LRRC4C: variants seen among roughly 807,000 people sequenced by gnomAD.
LRRC4C encodes the protein leucine-rich repeat-containing protein 4C.
A neutral mutation model predicts 33.6 loss-of-function variants in LRRC4C; 5 were observed. That is an observed-to-expected ratio of 0.15 (90% confidence interval 0.08 to 0.31). The LOEUF is 0.31. LRRC4C is among the 10% of genes least tolerant of loss of function. LRRC4C has a pLI of 1.00. For synonymous variants in LRRC4C, 329 were observed against 302.0 expected, an observed-to-expected ratio of 1.09 and a Z score of -0.93; for missense variants, 560 against 796.7, an observed-to-expected ratio of 0.70 and a Z score of 3.58.
At chr11:40,394,200 A>G (rs1489212524) in intron 3 of LRRC4C, among the ~76,000 whole-genome samples, 1 of 152,156 alleles carries the variant, frequency 6.6e-6, no homozygotes, top group Non-Finnish European at 1.5e-5. Context: ...TTTTGAGGAC[A>G]TAAAGACCTT....
intron 3 of LRRC4C, among the ~76,000 whole-genome samples, chr11:40,635,148 C>T (rs1042336164): frequency 6.6e-6 from 1 of 152,154 alleles, no homozygotes; most frequent in African/African-American, 2.4e-5. Flanking sequence ...GCTGCAATAA[C>T]TTTAACAGCC....
chr11:40,266,082 G>C (rs756497300), intron 4 of LRRC4C, among the ~76,000 whole-genome samples: 6 of 152,082 alleles, frequency 3.9e-5, no homozygotes, highest in Non-Finnish European at 8.8e-5. Context: ...CAGATCTCTT[G>C]AGCTCAGGAG....
chr11:41,290,773 A>G (rs1435143125), intron 1 of LRRC4C, among the ~76,000 whole-genome samples: 2 of 152,172 alleles, frequency 1.3e-5, no homozygotes, highest in Non-Finnish European at 2.9e-5. Flanking sequence ...AAATGACCAT[A>G]GACCTAGGTT....
chr11:40,860,789 T>A (rs1954053923), intron 2 of LRRC4C, among the ~76,000 whole-genome samples: 1 of 4,690 alleles, frequency 2.1e-4, no homozygotes, highest in African/African-American at 3.4e-4. Flanking sequence ...TTTTTTTTTT[T>A]TTTTTTTTTT....
intron 1 of LRRC4C, among the ~76,000 whole-genome samples, chr11:41,100,771 A>C (rs1941124177): frequency 6.6e-6 from 1 of 152,134 alleles, no homozygotes; most frequent in African/African-American, 2.4e-5. Context: ...TGGAGGTGTC[A>C]TGCTATCCAA....
chr11:40,624,684 C>A (rs1392719941), intron 3 of LRRC4C, among the ~76,000 whole-genome samples: 1 of 152,114 alleles, frequency 6.6e-6, no homozygotes, highest in Non-Finnish European at 1.5e-5. Context: ...GGTTGTCTTA[C>A]AACAAGTTAT....
chr11:41,103,497 T>C (rs893771852), intron 1 of LRRC4C, among the ~76,000 whole-genome samples: 4 of 151,920 alleles, frequency 2.6e-5, no homozygotes, highest in Non-Finnish European at 1.5e-5. Flanking sequence ...TATTACATCT[T>C]CAACAAACAT....
intron 5 of LRRC4C, among the ~76,000 whole-genome samples, chr11:40,228,746 T>C (rs532732393): frequency 1.1e-3 from 169 of 152,352 alleles, no homozygotes; most frequent in Non-Finnish European, 1.7e-3. Flanking sequence ...AGCTTTTCGT[T>C]TGGTCCAGTT....
At chr11:40,674,176 T>C (rs1944273091) in intron 2 of LRRC4C, among the ~76,000 whole-genome samples, 1 of 152,180 alleles carries the variant, frequency 6.6e-6, no homozygotes, top group African/African-American at 2.4e-5. Context: ...AAAATTGGCT[T>C]TGCCTATAGG....
At chr11:41,202,907 T>C (rs1226646100) in intron 1 of LRRC4C, among the ~76,000 whole-genome samples, 1 of 151,710 alleles carries the variant, frequency 6.6e-6, no homozygotes, top group Non-Finnish European at 1.5e-5. Context: ...TGCCTCAACC[T>C]CCTGAGTAGC....
At chr11:41,344,170 A>G (rs1285805265) in intron 1 of LRRC4C, among the ~76,000 whole-genome samples, 3 of 151,420 alleles carry the variant, frequency 2.0e-5, no homozygotes, top group African/African-American at 7.3e-5. Context: ...TTCCGCTTCC[A>G]GAGCCCAGTG....
At chr11:41,410,409 T>G (rs948407350) in intron 1 of LRRC4C, among the ~76,000 whole-genome samples, 2 of 151,266 alleles carry the variant, frequency 1.3e-5, no homozygotes, top group African/African-American at 4.9e-5. Flanking sequence ...AAAGTTTTTT[T>G]TTTTTTCTTT....
At chr11:41,304,125 G>A (rs1182752390) in intron 1 of LRRC4C, among the ~76,000 whole-genome samples, 3 of 85,446 alleles carry the variant, frequency 3.5e-5, no homozygotes, top group African/African-American at 9.2e-5. Flanking sequence ...CTACTGGGAA[G>A]TGAGGAGCCC....
chr11:40,173,715 A>AG (rs1345197303), intron 5 of LRRC4C, among the ~76,000 whole-genome samples: 1 of 152,100 alleles, frequency 6.6e-6, no homozygotes, highest in Non-Finnish European at 1.5e-5. Flanking sequence ...CCTAGGAAGA[A>AG]GGGGGAAGCA....
chr11:40,773,146 C>G lies in LRRC4C; in HGVS notation c.-406-124868G>C, dbSNP rs935114974. On this transcript the variant is annotated intron_variant, in intron 2 of 6. Transcript: ENST00000528697. ...CTCTAATTTGTGAGAGCTAAAAATT[C>G]AAACAATTAAACTCATGGAGATAAG... Among the ~76,000 whole-genome samples, 3 of 152,014 alleles carry G rather than the reference C, an allele frequency of 2.0e-5. No individual in the cohort carries two copies. The East Asian group carries it at 5.8e-4, about 29-fold the overall frequency.
At chr11:41,238,025 C>T (rs1373876611) in intron 1 of LRRC4C, among the ~76,000 whole-genome samples, 1 of 151,962 alleles carries the variant, frequency 6.6e-6, no homozygotes, top group Non-Finnish European at 1.5e-5. Flanking sequence ...CCACTCATAG[C>T]TTAGCTCAAC....
At chr11:40,644,926 C>G (rs1384489773) in intron 3 of LRRC4C, among the ~76,000 whole-genome samples, 1 of 149,850 alleles carries the variant, frequency 6.7e-6, no homozygotes. Flanking sequence ...AAAGGGGGAA[C>G]AGGCACTCGG....
At position 40,717,905 on chromosome 11, in the gene LRRC4C, T is replaced by C. The variant is rs555175064; in HGVS notation, c.-406-69627A>G. The stretch of plus-strand genomic sequence containing the variant: ...ATGCAAAGATGGCTTAAATATCTGG[T>C]AGTATATACCACAATTACTCTGTTT... On this transcript the variant is annotated intron_variant, in intron 2 of 6. Coordinates refer to ENST00000528697, the MANE Select transcript of LRRC4C (RefSeq NM_001258419.2). 7.2e-5 allele frequency among the ~76,000 whole-genome samples: 11 copies of C among 152,328 alleles called. No individual in the cohort carries two copies. In the South Asian group the frequency reaches 1.7e-3, roughly 23 times the overall value.
intron 1 of LRRC4C, among the ~76,000 whole-genome samples, chr11:40,942,276 A>G (rs1189670107): frequency 1.3e-5 from 2 of 152,196 alleles, no homozygotes; most frequent in African/African-American, 4.8e-5. Flanking sequence ...CAAAAGACCC[A>G]TTGGATCTTA....
Sources: gnomAD v4.1 joint callset for allele counts (sites outside exome capture counted in the v4.1 genomes callset) on GRCh38, gnomAD v4.1.1 for gene constraint, MANE v1.5 for transcripts, NCBI Gene and HGNC (gene_info 2026-07-23, HGNC 2026-07-21) for gene names.